The following WLS variants were observed in gnomAD, a reference collection of about 807,000 sequenced individuals.
The protein encoded by WLS is Wnt ligand secretion mediator.
A neutral mutation model predicts 62.8 loss-of-function variants in WLS; 23 were observed. The ratio of observed to expected loss-of-function variants is 0.37; its 90% CI spans 0.26 to 0.52. The LOEUF (loss-of-function observed/expected upper bound fraction) is 0.52, where lower values mean the gene tolerates loss of function less well. Ranked by LOEUF, WLS falls within the 20% of genes least tolerant of loss-of-function variation. The pLI, the probability that WLS is intolerant of heterozygous loss-of-function variation, is 0.92. For missense variants in WLS, 615 were observed against 697.3 expected, an observed-to-expected ratio of 0.88 and a Z score of 1.33; for synonymous variants, 246 against 244.1, an observed-to-expected ratio of 1.01 and a Z score of -0.07.
chr1:68,118,730 C>T (rs1646325863), intron 11 of WLS, among the ~76,000 whole-genome samples: 1 of 151,820 alleles, frequency 6.6e-6, no homozygotes, highest in Non-Finnish European at 1.5e-5. Flanking sequence ...AAAAAATTAG[C>T]TGGGCGTGGT....
intron 2 of WLS, among the ~76,000 whole-genome samples, chr1:68,169,575 G>A (rs1202068916): frequency 6.6e-6 from 1 of 151,984 alleles, no homozygotes; most frequent in Non-Finnish European, 1.5e-5. Context: ...CTCTTTCATG[G>A]TTTAGAAATG....
intron 11 of WLS, among the ~76,000 whole-genome samples, chr1:68,107,139 T>A (rs1646158691): frequency 6.6e-6 from 1 of 152,186 alleles, no homozygotes; most frequent in African/African-American, 2.4e-5. Flanking sequence ...AAGACAAAAT[T>A]ATGCATACTA....
chr1:68,203,316 T>A (rs1649126205), intron 1 of WLS, among the ~76,000 whole-genome samples: 1 of 152,144 alleles, frequency 6.6e-6, no homozygotes. Context: ...AATACAACTA[T>A]CTGTTTATTT....
At chr1:68,185,853 C>T (rs777527078) in intron 2 of WLS, among the ~76,000 whole-genome samples, 16 of 152,316 alleles carry the variant, frequency 1.1e-4, no homozygotes, top group Non-Finnish European at 1.9e-4. Context: ...ATGGAGGCTT[C>T]ATTACCTAGG....
chr1:68,125,724 G>T lies in WLS; in HGVS notation c.*502C>A, dbSNP rs531423305. ...GACAACTTAAATATTAACTCAGTGGGCTACCTGGTGATATAAATAGGAAAA... is the reference window on the plus strand; with the variant it reads ...GACAACTTAAATATTAACTCAGTGGTCTACCTGGTGATATAAATAGGAAAA... On this transcript the variant is annotated 3_prime_UTR_variant, in exon 12 of 12. Transcript: ENST00000262348. The T allele has an allele frequency of 4.1e-6, 4 of 986,134 alleles. No individual in the cohort carries two copies. In the East Asian group the frequency reaches 3.4e-4, roughly 84 times the overall value. 61.1% of individuals were successfully genotyped at this position (986,134 alleles called of 1,614,324 possible).
At chr1:68,104,510 TCCC>T (rs1483085692) in intron 11 of WLS, among the ~76,000 whole-genome samples, 1 of 126,990 alleles carries the variant, frequency 7.9e-6, no homozygotes, top group Non-Finnish European at 1.8e-5. Flanking sequence ...TATCATATGA[TCCC>T]TCCTAAGCCC....
At position 68,162,474 on chromosome 1, in the gene WLS, G is replaced by A. The variant is rs1264332570; in HGVS notation, c.380-3227C>T. On this transcript the variant is annotated intron_variant, in intron 2 of 11. Coordinates refer to ENST00000262348, the MANE Select transcript of WLS (RefSeq NM_024911.7). ...CCTGCAAGTAGGGGTCATAAAATAT[G>A]ACGCTGAATCCAAAGGCCTTGGCTC... 1.3e-5 allele frequency: 21 copies of A among 1,613,922 alleles called. No individual in the cohort carries two copies. The East Asian group carries it at 3.8e-4, about 29-fold the overall frequency.
At chr1:68,120,802 A>G (rs1646355561), downstream of WLS, among the ~76,000 whole-genome samples, 1 of 152,244 alleles carries the variant, frequency 6.6e-6, no homozygotes, top group Admixed American at 6.5e-5. Context: ...TTCTGGCCTC[A>G]GGTGAATATA....
At chr1:68,204,994 C>G (rs1368912314) in intron 1 of WLS, among the ~76,000 whole-genome samples, 2 of 152,194 alleles carry the variant, frequency 1.3e-5, no homozygotes, top group South Asian at 4.1e-4. Context: ...TATTATATGG[C>G]TTTTGTGTCA....
chr1:68,231,942 G>A (rs1292985029), intron 1 of WLS: 4 of 334,038 alleles, frequency 1.2e-5, no homozygotes, highest in Admixed American at 1.2e-4. Flanking sequence ...TCCCACCCCC[G>A]CCGCCCCCCT....
At position 68,194,041 on chromosome 1, in the gene WLS, A is replaced by T; in HGVS notation, c.293T>A (p.Leu98His). The change falls in exon 2 of 12, where the codon CTC (leucine) becomes CAC (histidine). Residue 98 changes from leucine (L) to histidine (H), a missense_variant. Coordinates refer to ENST00000262348, the MANE Select transcript of WLS (RefSeq NM_024911.7). The part of the protein sequence containing the change: ...NDIVFSVHIP[L>H]PHMEMSPWFQ... ...CCAAGGACTCATCTCCATGTGGGGG[A>T]GGGGAATGTGAACAGAAAACACGAT... The T allele has an allele frequency of 1.2e-6, 2 of 1,614,060 alleles. No homozygotes were observed. The highest frequency in any genetic ancestry group is 1.7e-6 in the Non-Finnish European group (2 of 1,180,006).
chr1:68,148,175 G>A lies in WLS; in HGVS notation c.1095C>T (p.Phe365=), dbSNP rs774363072. 2.5e-6 allele frequency: 4 copies of A among 1,614,198 alleles called. No individual in the cohort carries two copies. The highest frequency in any genetic ancestry group is 3.3e-4 in the Middle Eastern group (2 of 6,062). ...CAATGTCTGTAGTCCAGATACTGTA[G>A]AAGGGATTCGTGAGTTGTACCCCTC... ...CERGVQLTNP[F]YSIWTTDIGT... is the part of the protein sequence containing the mutation. The change falls in exon 8 of 12, where the codon TTC becomes TTT. Residue 365 remains phenylalanine, a synonymous_variant. Coordinates refer to ENST00000262348, the MANE Select transcript of WLS (RefSeq NM_024911.7).
rs766795856 is a variant in WLS, at chr1:68,144,650, C to A, written c.1281G>T (p.Gly427=). The change falls in exon 10 of 12, where the codon GGG becomes GGT. Residue 427 remains glycine, a splice_region_variant and synonymous_variant. Coordinates refer to ENST00000262348, the MANE Select transcript of WLS (RefSeq NM_024911.7). The part of the protein sequence containing the change: ...MSKVRRLHYE[G]LIFRFKFLML... ...TGAGGAACTTGAACCTAAAAATTAG[C>A]CCCTATTAGAAAAGAAAGAGTAGTT... is the stretch of plus-strand genomic sequence containing the variant. 2 of 1,612,946 alleles carry A rather than the reference C, an allele frequency of 1.2e-6. No individual in the cohort carries two copies. The highest frequency in any genetic ancestry group is 2.2e-5 in the East Asian group (1 of 44,856).
intron 1 of WLS, among the ~76,000 whole-genome samples, chr1:68,217,722 ACT>A (rs1356022956): frequency 1.3e-5 from 2 of 152,022 alleles, no homozygotes; most frequent in Non-Finnish European, 2.9e-5. Flanking sequence ...GTGGGCTGAC[ACT>A]CTGGTAATTT....
rs190134226 is a variant in WLS at position 68,100,205 on chromosome 1, G to A, written c.1511-1452C>T. Among the ~76,000 whole-genome samples the A allele has an allele frequency of 8.0e-4, 122 of 152,350 alleles. 1 individual carries two copies. The East Asian group carries it at 0.017, about 21-fold the overall frequency. ...CAGACACTGAAAGTCTAGGGGCCAA[G>A]CTCACATATTAGTTGAGGATCCACA... On this transcript the variant is annotated intron_variant, in intron 11 of 11. Transcript: ENST00000354777.
exon 12 of WLS, chr1:68,098,653 G>C (rs1296378522): frequency 6.2e-7 from 1 of 1,613,934 alleles, no homozygotes; most frequent in Non-Finnish European, 8.5e-7. Flanking sequence ...AAGCTGCGTT[G>C]TCATTGATGA....
intron 1 of WLS, among the ~76,000 whole-genome samples, chr1:68,223,581 G>T (rs941268690): frequency 6.6e-6 from 1 of 152,202 alleles, no homozygotes; most frequent in African/African-American, 2.4e-5. Context: ...TAATCAAATG[G>T]TTTCAGTGCA....
chr1:68,136,097 A>G (rs370200453), intron 11 of WLS, among the ~76,000 whole-genome samples: 1 of 152,174 alleles, frequency 6.6e-6, no homozygotes. Context: ...TCGCATGGAC[A>G]TGGCAAATAC....
chr1:68,148,605 G>A lies in WLS; in HGVS notation c.1028C>T (p.Ala343Val). The A allele has an allele frequency of 1.9e-6, 3 of 1,614,092 alleles. No individual in the cohort carries two copies. Among genetic ancestry groups the A allele is most frequent in the Non-Finnish European group, 2.5e-6 (3 of 1,180,000 alleles). Residue 343 changes from alanine to valine, a missense_variant, in exon 7 of 12, where the codon GCC becomes GTC. Physicochemically the swap from Ala to Val is moderately conservative, Grantham distance 64 (BLOSUM62 0). Coordinates refer to ENST00000262348, the MANE Select transcript of WLS (RefSeq NM_024911.7). ...AGYWKQVGPI[A>V]VGSFCLFIFD... ...TATGAAGAGGCAGAAGGAGCCAACG[G>A]CAATGGGTCCGACTTGCTTCCAATA...
Sources: allele counts gnomAD v4.1 joint callset (sites outside exome capture counted in the v4.1 genomes callset), GRCh38; gene constraint gnomAD v4.1.1; transcripts MANE v1.5; gene names NCBI Gene and HGNC (gene_info 2026-07-23, HGNC 2026-07-21).